CSMD1: variants seen among roughly 807,000 people sequenced by gnomAD.
The protein encoded by CSMD1 is CUB and Sushi multiple domains 1, also known as CUB and sushi domain-containing protein 1.
Under a neutral mutation model 417.5 loss-of-function variants are expected in CSMD1, and 213 were observed. The ratio of observed to expected loss-of-function variants is 0.51; its 90% CI spans 0.46 to 0.57. CSMD1 has a LOEUF of 0.57. Among genes scored for constraint, CSMD1 ranks in the 20% least tolerant of loss-of-function variants. The pLI, the probability that CSMD1 is intolerant of heterozygous loss-of-function variation, is 0.00. For missense variants in CSMD1, 6,923 were observed against 4,529.7 expected, an observed-to-expected ratio of 1.53 and a Z score of -15.17; for synonymous variants, 2,862 against 1,736.8, an observed-to-expected ratio of 1.65 and a Z score of -16.11.
At chr8:3,351,076 T>C (rs1050448294) in intron 21 of CSMD1, among the ~76,000 whole-genome samples, 2 of 152,202 alleles carry the variant, frequency 1.3e-5, no homozygotes, top group Non-Finnish European at 2.9e-5. Context: ...GAAACTAAAG[T>C]CTTCTATTAG....
rs1802882869 is a variant in CSMD1, at chr8:4,637,334, T to TAC, written c.302+6_302+7dup. On this transcript the variant is annotated splice_region_variant and intron_variant, in intron 2 of 69. Coordinates refer to ENST00000635120, the MANE Select transcript of CSMD1 (RefSeq NM_033225.6). ...TGCTAACTGTAATATAAAAAGTTGA[T>TAC]ACCTTACCTCACTTTTAAATTCCCT... is the stretch of plus-strand genomic sequence containing the variant. 6.3e-7 allele frequency: 1 copy of TAC among 1,597,354 alleles called. No individual in the cohort carries two copies. The highest frequency in any genetic ancestry group is 8.6e-7 in the Non-Finnish European group (1 of 1,164,980).
intron 2 of CSMD1, among the ~76,000 whole-genome samples, chr8:4,499,841 G>A (rs770401079): frequency 6.6e-6 from 1 of 152,192 alleles, no homozygotes; most frequent in Non-Finnish European, 1.5e-5. Flanking sequence ...AAATGTATTT[G>A]TTAAGCAGGT....
chr8:4,535,585 T>C (rs73182940), intron 2 of CSMD1, among the ~76,000 whole-genome samples: 11,790 of 152,220 alleles, frequency 0.077, 570 homozygotes, highest in South Asian at 0.13. Context: ...CCCTAAGTCA[T>C]CCAAGATAGC....
intron 6 of CSMD1, among the ~76,000 whole-genome samples, chr8:3,711,306 G>C (rs774572272): frequency 4.6e-5 from 7 of 152,150 alleles, no homozygotes; most frequent in Non-Finnish European, 7.4e-5. Flanking sequence ...TCCTGGCATT[G>C]ACTCTTGTGG....
At chr8:4,188,866 T>C (rs1798846108) in intron 3 of CSMD1, among the ~76,000 whole-genome samples, 1 of 152,076 alleles carries the variant, frequency 6.6e-6, no homozygotes, top group Admixed American at 6.6e-5. Flanking sequence ...TCTGCATTTG[T>C]TATTGGGTCT....
chr8:3,969,176 G>T (rs1334323288), intron 5 of CSMD1, among the ~76,000 whole-genome samples: 1 of 152,100 alleles, frequency 6.6e-6, no homozygotes, highest in Non-Finnish European at 1.5e-5. Context: ...CTTGAACCTG[G>T]GAGGCAGTGG....
intron 1 of CSMD1, among the ~76,000 whole-genome samples, chr8:4,786,304 C>T (rs997929769): frequency 6.6e-6 from 1 of 152,304 alleles, no homozygotes; most frequent in East Asian, 1.9e-4. Context: ...AACACTCCTA[C>T]AACCAGGTTT....
chr8:4,154,442 G>C (rs763092511), intron 3 of CSMD1, among the ~76,000 whole-genome samples: 2 of 152,120 alleles, frequency 1.3e-5, no homozygotes, highest in East Asian at 1.9e-4. Flanking sequence ...TTGCCTCAAA[G>C]AGCTGAAAAT....
At chr8:4,992,398 G>T (rs914114066) in intron 1 of CSMD1, among the ~76,000 whole-genome samples, 1 of 152,234 alleles carries the variant, frequency 6.6e-6, no homozygotes, top group African/African-American at 2.4e-5. Context: ...TGCGGAACTC[G>T]AGGGAACCGA....
At chr8:4,574,291 A>T (rs576498883) in intron 2 of CSMD1, among the ~76,000 whole-genome samples, 1 of 152,298 alleles carries the variant, frequency 6.6e-6, no homozygotes, top group East Asian at 1.9e-4. Context: ...TTGGATGCAG[A>T]AACTGTGGGA....
chr8:4,767,195 T>C (rs531395846), intron 1 of CSMD1, among the ~76,000 whole-genome samples: 1 of 152,322 alleles, frequency 6.6e-6, no homozygotes, highest in East Asian at 1.9e-4. Flanking sequence ...CCTTAGCTTA[T>C]TGAAGGCCAT....
At chr8:3,153,253 T>C (rs1014543988) in intron 39 of CSMD1, among the ~76,000 whole-genome samples, 1 of 152,220 alleles carries the variant, frequency 6.6e-6, no homozygotes, top group African/African-American at 2.4e-5. Flanking sequence ...ACTTACCCTC[T>C]ATGGTCTAAA....
At chr8:4,943,946 A>G (rs991617793) in intron 1 of CSMD1, among the ~76,000 whole-genome samples, 1 of 152,222 alleles carries the variant, frequency 6.6e-6, no homozygotes, top group Non-Finnish European at 1.5e-5. Flanking sequence ...ATGGAAAGAC[A>G]GAAAATGTAT....
intron 5 of CSMD1, among the ~76,000 whole-genome samples, chr8:3,852,242 G>A (rs1219824500): frequency 6.6e-6 from 1 of 152,162 alleles, no homozygotes. Context: ...TGCACCAGAT[G>A]TGGGGAGGTG....
At chr8:3,127,571 A>G (rs1817574212) in intron 41 of CSMD1, 2 of 152,218 alleles carry the variant, frequency 1.3e-5, no homozygotes, top group Admixed American at 6.5e-5. Flanking sequence ...ATCATTTCAC[A>G]TAAAATTCAG....
At chr8:4,230,851 T>C (rs185681083) in intron 3 of CSMD1, among the ~76,000 whole-genome samples, 216 of 152,270 alleles carry the variant, frequency 1.4e-3, no homozygotes, top group Non-Finnish European at 1.9e-3. Context: ...TTAGGAACAA[T>C]CGATTATAGA....
At chr8:3,195,939 G>C (rs1410913210) in intron 33 of CSMD1, among the ~76,000 whole-genome samples, 1 of 152,108 alleles carries the variant, frequency 6.6e-6, no homozygotes, top group East Asian at 1.9e-4. Context: ...ATCTTCAATA[G>C]GGGCTGTATA....
At chr8:3,656,274 G>A (rs908444695) in intron 7 of CSMD1, among the ~76,000 whole-genome samples, 1 of 152,196 alleles carries the variant, frequency 6.6e-6, no homozygotes, top group South Asian at 2.1e-4. Context: ...TCAAACGTGA[G>A]TTTACTCAAC....
At chr8:4,074,857 C>T (rs1055086910) in intron 3 of CSMD1, among the ~76,000 whole-genome samples, 1 of 151,704 alleles carries the variant, frequency 6.6e-6, no homozygotes, top group African/African-American at 2.4e-5. Flanking sequence ...TTTTTTTTCT[C>T]TCCTCCAGAA....
Sources: gnomAD v4.1 joint callset for allele counts (sites outside exome capture counted in the v4.1 genomes callset) on GRCh38, gnomAD v4.1.1 for gene constraint, MANE v1.5 for transcripts, NCBI Gene and HGNC (gene_info 2026-07-23, HGNC 2026-07-21) for gene names.